The following LRRCC1 variants were observed in gnomAD, a reference collection of about 807,000 sequenced individuals.
LRRCC1 encodes leucine-rich repeat and coiled-coil domain-containing protein 1.
In LRRCC1, 115 loss-of-function variants were observed where a neutral mutation model predicts 126.0. The observed-to-expected ratio is 0.91, with a 90% CI of 0.78 to 1.07. The LOEUF is 1.07. LRRCC1 is among the 50% of genes least tolerant of loss of function. The pLI is 0.00. For missense variants in LRRCC1, 1,172 were observed against 1,175.7 expected, an observed-to-expected ratio of 1.00 and a Z score of 0.05; for synonymous variants, 400 against 393.4, an observed-to-expected ratio of 1.02 and a Z score of -0.20.
In LRRCC1 at chr8:85,141,521, T is replaced by C. The variant is rs1450174495; in HGVS notation, c.2976+4T>C. On this transcript the variant is annotated splice_donor_region_variant and intron_variant, in intron 18 of 18. Transcript: ENST00000360375. ...TATTGATTCTGCAAATTTAAAGGTA[T>C]TGTAAGTAAAATTCACTTCAATAAT... is the stretch of plus-strand genomic sequence containing the variant. 4 of 1,595,950 alleles carry C rather than the reference T, an allele frequency of 2.5e-6. No homozygotes were observed. Among genetic ancestry groups the C allele is most frequent in the Non-Finnish European group, 3.4e-6 (4 of 1,168,738 alleles).
intron 8 of LRRCC1, among the ~76,000 whole-genome samples, chr8:85,125,590 G>C (rs1478690008): frequency 3.4e-5 from 5 of 145,558 alleles, no homozygotes; most frequent in African/African-American, 1.3e-4. Context: ...GGAGAATGGC[G>C]TGAACCCGGG....
intron 8 of LRRCC1, among the ~76,000 whole-genome samples, chr8:85,125,275 G>A (rs1277072708): frequency 3.3e-5 from 5 of 151,866 alleles, no homozygotes; most frequent in Non-Finnish European, 7.4e-5. Flanking sequence ...AAAATTTACA[G>A]GTCTTCTCAA....
intron 12 of LRRCC1, among the ~76,000 whole-genome samples, chr8:85,132,245 G>GC (rs1810522164): frequency 1.3e-5 from 2 of 152,140 alleles, no homozygotes; most frequent in African/African-American, 2.4e-5. Context: ...CAAAACTAAA[G>GC]CCCCCAGGCC....
At position 85,137,523 on chromosome 8, in the gene LRRCC1, G is replaced by A. The variant is rs749367483; in HGVS notation, c.2389G>A (p.Glu797Lys). Residue 797 changes from glutamate to lysine, a missense_variant, in exon 15 of 19, where the codon GAG (glutamate) becomes AAG (lysine). Coordinates refer to ENST00000360375, the MANE Select transcript of LRRCC1 (RefSeq NM_033402.5). ...LEAQIESLSR[E>K]NECLRKTNES... ...GGCTCAAATTGAGAGTTTATCTAGA[G>A]AGAATGAATGTCTGCGAAAGACAAA... 6.4e-7 allele frequency: 1 copy of A among 1,570,506 alleles called. No individual in the cohort carries two copies. The highest frequency in any genetic ancestry group is 1.4e-5 in the African/African-American group (1 of 72,532).
chr8:85,137,354 T>A, intron 14 of LRRCC1, 110 bp from the exon 15 acceptor site: 2 of 631,168 alleles, frequency 3.2e-6, no homozygotes, highest in Non-Finnish European at 4.8e-6. Context: ...TAAGCTATGT[T>A]TCTTTATTTA....
chr8:85,109,667 A>G lies in LRRCC1; in HGVS notation c.177A>G (p.Glu59=), dbSNP rs1808542238. The change falls in exon 2 of 19, where the codon GAA becomes GAG. Residue 59 remains glutamate (E), a synonymous_variant. Transcript: ENST00000360375. ...NLHCNNISKI[E]AIDHIWNLQH... ...ATTGCAATAACATCTCCAAGATCGA[A>G]GCCATTGATCATATTTGGAATTTAC... 1 of 1,611,236 alleles carries G rather than the reference A, an allele frequency of 6.2e-7. No individual in the cohort carries two copies. Among genetic ancestry groups the G allele is most frequent in the East Asian group, 2.2e-5 (1 of 44,756 alleles).
At chr8:85,125,501 G>A (rs950886632) in intron 8 of LRRCC1, among the ~76,000 whole-genome samples, 4 of 149,282 alleles carry the variant, frequency 2.7e-5, no homozygotes, top group African/African-American at 7.4e-5. Context: ...GTGAAACCCC[G>A]TCTCTACTAA....
At chr8:85,130,628 A>G (rs1369972715) in intron 11 of LRRCC1, among the ~76,000 whole-genome samples, 1 of 152,200 alleles carries the variant, frequency 6.6e-6, no homozygotes, top group African/African-American at 2.4e-5. Context: ...AATATAGCTT[A>G]TTGTTCATTT....
chr8:85,126,118 G>C (rs1809975935), intron 8 of LRRCC1, among the ~76,000 whole-genome samples: 1 of 152,118 alleles, frequency 6.6e-6, no homozygotes, highest in South Asian at 2.1e-4. Flanking sequence ...ACAGAGTCTG[G>C]CATGTGGGTG....
intron 7 of LRRCC1, 143 bp from the exon 8 acceptor site, chr8:85,124,649 G>A (rs544572690): frequency 6.7e-6 from 3 of 450,988 alleles, no homozygotes; most frequent in South Asian, 6.0e-5. Flanking sequence ...TAAAATTTAT[G>A]AAGCAGTTTG....
intron 9 of LRRCC1, among the ~76,000 whole-genome samples, chr8:85,128,203 T>G (rs556647964): frequency 6.6e-6 from 1 of 152,322 alleles, no homozygotes; most frequent in Admixed American, 6.5e-5. Context: ...TATATGTGTA[T>G]GAATTTTTAC....
intron 7 of LRRCC1, among the ~76,000 whole-genome samples, chr8:85,124,243 C>T (rs1809787706): frequency 6.6e-6 from 1 of 152,122 alleles, no homozygotes; most frequent in African/African-American, 2.4e-5. Context: ...TTTTGCAAAG[C>T]ATATTTTGTT....
At chr8:85,145,363 A>T in intron 18 of LRRCC1, 26 bp from the exon 19 acceptor site, 2 of 1,413,582 alleles carry the variant, frequency 1.4e-6, no homozygotes, top group South Asian at 3.3e-5. Context: ...AAGAAATTAA[A>T]ATGTAAAATT....
Position 85,110,167 on chromosome 8 carries a change from A to G in LRRCC1, c.363A>G (p.Ile121Met), listed in dbSNP as rs1033024036. ...LTRLNVSYNH[I>M]DDLSGLIPLH... ...GACTAAATGTATCTTATAACCACAT[A>G]GATGATCTTAGTGGTAAGTAGAAAT... Residue 121 changes from isoleucine to methionine, a missense_variant, in exon 3 of 19, where the codon ATA becomes ATG. Ile to Met is a conservative substitution (Grantham distance 10). Coordinates refer to ENST00000360375, the MANE Select transcript of LRRCC1 (RefSeq NM_033402.5). 4 of 1,315,364 alleles carry G rather than the reference A, an allele frequency of 3.0e-6. No homozygotes were observed. Among genetic ancestry groups the G allele is most frequent in the Non-Finnish European group, 4.2e-6 (4 of 954,386 alleles). 81.5% of individuals were successfully genotyped at this position (1,315,364 alleles called of 1,614,324 possible). A position where few individuals can be genotyped will look rare whatever the true frequency, so the allele number is the denominator to read the frequency against.
Position 85,129,376 on chromosome 8 carries a change from A to G in LRRCC1, c.1623A>G (p.Ala541=). 10 of 1,605,350 alleles carry G rather than the reference A, an allele frequency of 6.2e-6. No individual in the cohort carries two copies. Among genetic ancestry groups the G allele is most frequent in the Non-Finnish European group, 6.8e-6 (8 of 1,177,506 alleles). The part of the protein sequence containing the change: ...MERQKRQQQA[A]QIRLIQEVEL... ...GACAAAAAAGGCAGCAGCAGGCAGC[A>G]CAGGTATTTCTCTATTTTAATATAT... Residue 541 remains alanine (A), a synonymous_variant, in exon 10 of 19, where the codon GCA becomes GCG. Coordinates refer to ENST00000360375, the MANE Select transcript of LRRCC1 (RefSeq NM_033402.5).
Position 85,138,117 on chromosome 8 carries a change from A to T in LRRCC1, c.2576A>T (p.Asp859Val). Residue 859 changes from aspartate to valine, a missense_variant, in exon 16 of 19, where the codon GAT becomes GTT. Transcript: ENST00000360375. ...EIEKCTQEQL[D>V]EKSSQLDEVL... ...GAAAAATGCACTCAAGAACAACTTG[A>T]TGAAAAATCTTCACAACTGGATGAG... The T allele has an allele frequency of 3.1e-6, 5 of 1,608,156 alleles. No individual in the cohort carries two copies. The highest frequency in any genetic ancestry group is 4.2e-6 in the Non-Finnish European group (5 of 1,176,654).
rs762027773 is a variant in LRRCC1, at chr8:85,141,541, A to G, written c.2976+24A>G. ...AGGTATTGTAAGTAAAATTCACTTC[A>G]ATAATCAGTATATTACATGATTATA... On this transcript the variant is annotated intron_variant, in intron 18 of 18. Coordinates refer to ENST00000360375, the MANE Select transcript of LRRCC1 (RefSeq NM_033402.5). 12 of 1,540,388 alleles carry G rather than the reference A, an allele frequency of 7.8e-6. No individual in the cohort carries two copies. In the African/African-American group the frequency reaches 1.6e-4, roughly 21 times the overall value.
chr8:85,114,959 T>C (rs1808990385), intron 4 of LRRCC1, 141 bp from the exon 5 acceptor site: 1 of 564,324 alleles, frequency 1.8e-6, no homozygotes, highest in Non-Finnish European at 3.0e-6. Context: ...GCTGCAGAAG[T>C]TGAATAAGTA....
chr8:85,137,723 C>A, intron 15 of LRRCC1, 96 bp downstream of exon 15: 1 of 952,584 alleles, frequency 1.0e-6, no homozygotes, highest in Non-Finnish European at 1.5e-6. Context: ...TGTTTTCCAA[C>A]TGTTGTAAAA....
Sources: gnomAD v4.1 joint callset for allele counts (sites outside exome capture counted in the v4.1 genomes callset) on GRCh38, gnomAD v4.1.1 for gene constraint, MANE v1.5 for transcripts, NCBI Gene and HGNC (gene_info 2026-07-23, HGNC 2026-07-21) for gene names.